Variants in CDADC1 observed in about 807,000 individuals in gnomAD.
CDADC1 encodes the protein cytidine and dCMP deaminase domain containing 1.
Under a neutral mutation model 54.9 loss-of-function variants are expected in CDADC1, and 39 were observed. The observed-to-expected ratio is 0.71, with a 90% CI of 0.55 to 0.93. The LOEUF is 0.93. Ranked by LOEUF, CDADC1 falls within the 40% of genes least tolerant of loss-of-function variation. The pLI is 0.00. For missense variants in CDADC1, 518 were observed against 618.8 expected, an observed-to-expected ratio of 0.84 and a Z score of 1.73; for synonymous variants, 186 against 204.0, an observed-to-expected ratio of 0.91 and a Z score of 0.75.
chr13:49,285,639 A>C (rs1418379871), intron 8 of CDADC1, among the ~76,000 whole-genome samples: 2 of 152,072 alleles, frequency 1.3e-5, no homozygotes, highest in East Asian at 3.8e-4. Context: ...GAGACAAGTC[A>C]CTCCAATCCT....
chr13:49,285,478 C>G (rs1325018306), intron 8 of CDADC1, among the ~76,000 whole-genome samples: 2 of 152,006 alleles, frequency 1.3e-5, no homozygotes, highest in Non-Finnish European at 2.9e-5. Flanking sequence ...CATGGCCTAT[C>G]TTGGTCATAT....
intron 8 of CDADC1, among the ~76,000 whole-genome samples, chr13:49,285,585 C>T (rs1953489602): frequency 6.6e-6 from 1 of 152,128 alleles, no homozygotes; most frequent in African/African-American, 2.4e-5. Flanking sequence ...TAGTACTGGG[C>T]ATGGGTTCTA....
chr13:49,284,744 T>C (rs1953455431), intron 8 of CDADC1, among the ~76,000 whole-genome samples: 1 of 152,218 alleles, frequency 6.6e-6, no homozygotes, highest in Non-Finnish European at 1.5e-5. Context: ...TGGTAAAATG[T>C]TTGTCCTGTA....
chr13:49,270,220 C>T (rs1952929645), intron 5 of CDADC1, among the ~76,000 whole-genome samples: 1 of 152,006 alleles, frequency 6.6e-6, no homozygotes, highest in Admixed American at 6.6e-5. Context: ...AGAATTTTTC[C>T]GATTTTATTT....
chr13:49,282,236 G>GGTTTTTTTT (rs1555315245), intron 8 of CDADC1, among the ~76,000 whole-genome samples: 18 of 94,134 alleles, frequency 1.9e-4, no homozygotes, highest in Non-Finnish European at 2.9e-4. Context: ...GTTTTTGTGG[G>GGTTTTTTTT]TTTTTTTTTT....
At chr13:49,291,172 T>TTG (rs1555316616) in intron 9 of CDADC1, among the ~76,000 whole-genome samples, 5 of 150,298 alleles carry the variant, frequency 3.3e-5, no homozygotes, top group East Asian at 3.9e-4. Context: ...AGTTTTTGGT[T>TTG]TTTTTTTTTT....
At chr13:49,281,043 G>A (rs1158438933) in intron 8 of CDADC1, among the ~76,000 whole-genome samples, 1 of 151,674 alleles carries the variant, frequency 6.6e-6, no homozygotes, top group Non-Finnish European at 1.5e-5. Context: ...CATGTTGTCC[G>A]GGCTGGTCTC....
chr13:49,272,651 C>CTTTTTTTTTTTTTTTTTTTTTTTTTTT (rs1224230451), intron 5 of CDADC1, among the ~76,000 whole-genome samples: 1 of 145,070 alleles, frequency 6.9e-6, no homozygotes, highest in Non-Finnish European at 1.5e-5. Flanking sequence ...TCAAGGATTT[C>CTTTTTTTTTTTTTTTTTTTTTTTTTTT]TTTTTCTTTT....
At position 49,293,040 on chromosome 13, in the gene CDADC1, T is replaced by C; in HGVS notation, c.*1283T>C. The C allele has an allele frequency of 4.8e-6, 1 of 208,094 alleles. No homozygotes were observed. Among genetic ancestry groups the C allele is most frequent in the Non-Finnish European group, 9.9e-6 (1 of 101,258 alleles). 12.9% of individuals were successfully genotyped at this position (208,094 alleles called of 1,614,324 possible). Reference sequence around the variant, plus strand: ...AGAACTGCCATAAACACTACACAGATGGAGGGCATGGGATAGGACAGGAGA... The same window carrying C: ...AGAACTGCCATAAACACTACACAGACGGAGGGCATGGGATAGGACAGGAGA... On this transcript the variant is annotated 3_prime_UTR_variant, in exon 10 of 10. Coordinates refer to ENST00000251108, the MANE Select transcript of CDADC1 (RefSeq NM_030911.4).
At chr13:49,272,614 G>C (rs1033281681) in intron 5 of CDADC1, among the ~76,000 whole-genome samples, 4 of 151,592 alleles carry the variant, frequency 2.6e-5, no homozygotes, top group South Asian at 4.2e-4. Context: ...TGGAACATAA[G>C]AGGCATTCAA....
At position 49,274,280 on chromosome 13, in the gene CDADC1, A is replaced by G; in HGVS notation, c.1001-11A>G. 6.2e-7 allele frequency: 1 copy of G among 1,602,806 alleles called. No homozygotes were observed. Among genetic ancestry groups the G allele is most frequent in the South Asian group, 1.1e-5 (1 of 90,104 alleles). On this transcript the variant is annotated splice_polypyrimidine_tract_variant and intron_variant, in intron 5 of 9. Transcript: ENST00000251108. ...TAATTTTTACTGAGTTAAATGCCAT[A>G]TATCTTTCAGAGGATCATAAAACAG...
Position 49,280,651 on chromosome 13 carries a change from A to C in CDADC1, c.1363A>C (p.Ile455Leu), listed in dbSNP as rs759829382. The change falls in exon 8 of 10, where the codon ATC becomes CTC. Residue 455 changes from isoleucine (I) to leucine (L), a missense_variant. Ile to Leu is a conservative substitution (Grantham distance 5). Transcript: ENST00000251108. ...DVDVGKKKAD[I>L]SYMRFGELEG... ...AGATGTTGGAAAAAAGAAGGCAGAC[A>C]TCTCTTACATGAGGTTCGGGGAGCT... The C allele has an allele frequency of 1.9e-6, 3 of 1,601,614 alleles. No homozygotes were observed. In the Admixed American group the frequency reaches 5.3e-5, roughly 28 times the overall value.
At chr13:49,286,160 G>A (rs1953508046) in intron 8 of CDADC1, 62 bp from the exon 9 acceptor site, 11 of 1,286,652 alleles carry the variant, frequency 8.5e-6, no homozygotes, top group South Asian at 1.2e-5. Flanking sequence ...TAAAATCAAT[G>A]TGCTGGAATG....
chr13:49,292,864 C>A lies in CDADC1; in HGVS notation c.*1107C>A. On this transcript the variant is annotated 3_prime_UTR_variant, in exon 10 of 10. Transcript: ENST00000251108. The stretch of plus-strand genomic sequence containing the variant: ...GGTTTGCCTCTGCTTTTGTTCCCTG[C>A]CTTTCCGCCACATCACACGGCCTCA... 4.7e-6 allele frequency: 5 copies of A among 1,057,710 alleles called. No homozygotes were observed. The highest frequency in any genetic ancestry group is 6.2e-6 in the Non-Finnish European group (5 of 800,398). The allele number at this position is 1,057,710 out of a possible 1,614,324, so 65.5% of individuals were successfully genotyped here.
chr13:49,255,938 A>G (rs762562792), intron 3 of CDADC1, 25 bp downstream of exon 3: 1 of 1,602,918 alleles, frequency 6.2e-7, no homozygotes, highest in Non-Finnish European at 8.5e-7. Context: ...TTTCACATAT[A>G]TATGCTCATA....
chr13:49,249,650 C>G (rs1952379617), intron 2 of CDADC1, among the ~76,000 whole-genome samples: 1 of 152,074 alleles, frequency 6.6e-6, no homozygotes. Flanking sequence ...ATGAGAATCG[C>G]TTGAACGAAT....
Position 49,291,790 on chromosome 13 carries a change from G to GAAC in CDADC1, c.*34_*36dup. On this transcript the variant is annotated 3_prime_UTR_variant, in exon 10 of 10. Transcript: ENST00000251108. ...TGTCTACACTGCAGGGGAACCTCAA[G>GAAC]AACTTTTCATTGCACTTCTAAAATT... is the stretch of plus-strand genomic sequence containing the variant. 1 of 1,595,128 alleles carries GAAC rather than the reference G, an allele frequency of 6.3e-7. No individual in the cohort carries two copies. Among genetic ancestry groups the GAAC allele is most frequent in the Non-Finnish European group, 8.5e-7 (1 of 1,173,176 alleles).
At chr13:49,283,050 A>G (rs1953396999) in intron 8 of CDADC1, among the ~76,000 whole-genome samples, 1 of 152,248 alleles carries the variant, frequency 6.6e-6, no homozygotes, top group Admixed American at 6.5e-5. Flanking sequence ...ACATTTAACT[A>G]CTAGAATTTG....
Position 49,254,401 on chromosome 13 carries a change from A to G in CDADC1, c.178-1438A>G, listed in dbSNP as rs202223788. On this transcript the variant is annotated intron_variant, in intron 2 of 9. Coordinates refer to ENST00000251108, the MANE Select transcript of CDADC1 (RefSeq NM_030911.4). The stretch of plus-strand genomic sequence containing the variant: ...ACTTTATCAATGTATTAACTATCCC[A>G]CCCTTTTTTTTTTTTTTTTGAAACA... 3.2e-4 allele frequency among the ~76,000 whole-genome samples: 23 copies of G among 72,472 alleles called. 1 individual carries two copies. In the South Asian group the frequency reaches 6.8e-3, roughly 21 times the overall value. 47.5% of individuals were successfully genotyped at this position (72,472 alleles called of 152,430 possible). A position where few individuals can be genotyped will look rare whatever the true frequency, so the allele number is the denominator to read the frequency against.
Sources: allele counts gnomAD v4.1 joint callset (sites outside exome capture counted in the v4.1 genomes callset), GRCh38; gene constraint gnomAD v4.1.1; transcripts MANE v1.5; gene names NCBI Gene and HGNC (gene_info 2026-07-23, HGNC 2026-07-21).